The following SUGCT variants were observed in gnomAD, a reference collection of about 807,000 sequenced individuals.
SUGCT encodes succinyl-CoA:glutarate-CoA transferase, also known as succinyl-CoA:glutarate CoA-transferase.
SUGCT carries 41 observed loss-of-function variants against 55.0 expected under a neutral mutation model. The observed-to-expected ratio is 0.74, with a 90% CI of 0.58 to 0.97. The LOEUF is 0.97. Ranked by LOEUF, SUGCT falls within the 50% of genes least tolerant of loss-of-function variation. SUGCT has a pLI of 0.00. For synonymous variants in SUGCT, 187 were observed against 200.4 expected (o/e 0.93, Z 0.56); for missense variants, 568 against 547.8 (o/e 1.04, Z -0.37).
chr7:40,634,267 GA>G (rs1799925170), intron 12 of SUGCT, among the ~76,000 whole-genome samples: 1 of 152,202 alleles, frequency 6.6e-6, no homozygotes, highest in Non-Finnish European at 1.5e-5. Flanking sequence ...ACTGAGACGG[GA>G]AAGAGGGAGC....
At chr7:40,572,265 A>C (rs980827969) in intron 12 of SUGCT, among the ~76,000 whole-genome samples, 2 of 152,176 alleles carry the variant, frequency 1.3e-5, no homozygotes, top group Admixed American at 6.5e-5. Flanking sequence ...GGGAAAAAGA[A>C]AATTTGTTGG....
the SUGCT span, among the ~76,000 whole-genome samples, chr7:40,900,783 T>C: frequency 1.3e-5 from 2 of 152,250 alleles, no homozygotes; most frequent in Non-Finnish European, 2.9e-5. Context: ...ACTGCTGGGC[T>C]GCAGTGAAAG....
At chr7:40,548,186 CTTTTTTTT>C (rs1186226631) in intron 12 of SUGCT, among the ~76,000 whole-genome samples, 2 of 105,008 alleles carry the variant, frequency 1.9e-5, no homozygotes, top group East Asian at 5.1e-4. Context: ...TTCTTTCTTT[CTTTTTTTT>C]TTTTTTTTTT....
downstream of SUGCT, among the ~76,000 whole-genome samples, chr7:40,862,653 G>A (rs1020060387): frequency 3.3e-5 from 5 of 151,980 alleles, no homozygotes; most frequent in African/African-American, 1.2e-4. Flanking sequence ...GGTTGGCTTA[G>A]AAAATTTTCT....
intron 7 of SUGCT, among the ~76,000 whole-genome samples, chr7:40,239,996 T>C (rs1483386210): frequency 3.3e-5 from 5 of 152,210 alleles, no homozygotes; most frequent in African/African-American, 1.2e-4. Context: ...ACAGTCCTTA[T>C]CTTCCTATAG....
intron 7 of SUGCT, among the ~76,000 whole-genome samples, chr7:40,262,907 C>G (rs756828610): frequency 1.3e-5 from 2 of 152,118 alleles, no homozygotes; most frequent in African/African-American, 2.4e-5. Context: ...GTGACTTTGA[C>G]AAGTTAATTT....
In SUGCT at chr7:40,693,530, T is replaced by G. The variant is rs181338349; in HGVS notation, c.1090-55904T>G. ...AGTAAGTTTCCTAAAGTCACATGAC[T>G]AGTTTCAGAGCTGGGATTTGAACCC... On this transcript the variant is annotated intron_variant, in intron 12 of 13. Coordinates refer to ENST00000335693, the MANE Select transcript of SUGCT (RefSeq NM_001193313.2). Among the ~76,000 whole-genome samples the G allele has an allele frequency of 2.2e-4, 33 of 152,322 alleles. No individual in the cohort carries two copies. In the East Asian group the frequency reaches 6.0e-3, roughly 28 times the overall value.
At chr7:40,305,323 T>G (rs2151086704) in intron 8 of SUGCT, among the ~76,000 whole-genome samples, 1 of 152,386 alleles carries the variant, frequency 6.6e-6, no homozygotes, top group Admixed American at 6.5e-5. Context: ...CTTTAAATTC[T>G]TCAAATTAGA....
At chr7:40,473,824 G>T (rs923213414) in intron 11 of SUGCT, among the ~76,000 whole-genome samples, 4 of 152,302 alleles carry the variant, frequency 2.6e-5, no homozygotes, top group South Asian at 2.1e-4. Context: ...GGTGCATGGA[G>T]TCCAAGGGTG....
chr7:40,344,851 AGTTTTATGTATATTAAATTT>A lies in SUGCT; in HGVS notation c.816+27997_816+28016del, dbSNP rs538460295. On this transcript the variant is annotated intron_variant, in intron 9 of 13. Coordinates refer to ENST00000335693, the MANE Select transcript of SUGCT (RefSeq NM_001193313.2). Reference sequence around the variant, plus strand: ...TTGATTGATTGTATAGTTCTTCAGTAGTTTTATGTATATTAAATTTTGTGATTTTTAAAAAAATGTAACGT... The same window carrying A: ...TTGATTGATTGTATAGTTCTTCAGTATGTGATTTTTAAAAAAATGTAACGT... Among the ~76,000 whole-genome samples the A allele has an allele frequency of 2.5e-3, 379 of 152,260 alleles. 1 individual carries two copies. The highest frequency in any genetic ancestry group is 4.0e-3 in the Non-Finnish European group (272 of 68,020).
the SUGCT span, among the ~76,000 whole-genome samples, chr7:40,903,098 C>T: frequency 6.6e-6 from 1 of 150,398 alleles, no homozygotes; most frequent in Non-Finnish European, 1.5e-5. Flanking sequence ...GTGGTGCGAT[C>T]TCGGCTCACT....
the SUGCT span, among the ~76,000 whole-genome samples, chr7:40,869,316 G>A: frequency 5.3e-5 from 8 of 152,152 alleles, no homozygotes; most frequent in African/African-American, 1.7e-4. Context: ...AAGCACAAAG[G>A]GGATTTGACA....
chr7:40,948,364 A>G, the SUGCT span, among the ~76,000 whole-genome samples: 1 of 152,178 alleles, frequency 6.6e-6, no homozygotes, highest in Non-Finnish European at 1.5e-5. Flanking sequence ...GATTCATGCC[A>G]CTTAGACTGA....
intron 1 of SUGCT, among the ~76,000 whole-genome samples, chr7:40,160,638 G>A (rs182122475): frequency 5.0e-4 from 76 of 152,236 alleles, no homozygotes; most frequent in Middle Eastern, 3.4e-3. Flanking sequence ...AATATTCTTA[G>A]TGTATGTATA....
At chr7:40,782,718 A>AG (rs1256680408) in intron 13 of SUGCT, 1 of 152,194 alleles carries the variant, frequency 6.6e-6, no homozygotes, top group East Asian at 1.9e-4. Flanking sequence ...AAGTGGTGTG[A>AG]GGGGGCCTCA....
intron 7 of SUGCT, among the ~76,000 whole-genome samples, chr7:40,250,838 T>C (rs3966429): frequency 1.7e-5 from 2 of 115,576 alleles, no homozygotes; most frequent in East Asian, 2.0e-4. Flanking sequence ...CTTTTTTTTT[T>C]TTTTTTTTTT....
chr7:40,139,174 A>T (rs1787857564), intron 1 of SUGCT, among the ~76,000 whole-genome samples: 1 of 150,194 alleles, frequency 6.7e-6, no homozygotes, highest in South Asian at 2.1e-4. Context: ...AAATAAATAA[A>T]TAAATCCAGG....
At chr7:40,255,227 CAAAAA>C (rs35996807) in intron 7 of SUGCT, among the ~76,000 whole-genome samples, 1 of 101,030 alleles carries the variant, frequency 9.9e-6, no homozygotes. Context: ...AACTTCATCT[CAAAAA>C]AAAAAAAAAA....
At chr7:40,568,363 G>C (rs561934928) in intron 12 of SUGCT, among the ~76,000 whole-genome samples, 1 of 151,966 alleles carries the variant, frequency 6.6e-6, no homozygotes, top group Non-Finnish European at 1.5e-5. Flanking sequence ...CTCAAGAACA[G>C]GGTCAAAAAC....
Sources: gnomAD v4.1 joint callset for allele counts (sites outside exome capture counted in the v4.1 genomes callset) on GRCh38, gnomAD v4.1.1 for gene constraint, MANE v1.5 for transcripts, NCBI Gene and HGNC (gene_info 2026-07-23, HGNC 2026-07-21) for gene names.